Variants in VARS2 observed in about 807,000 individuals in gnomAD.
The protein encoded by VARS2 is valine--tRNA ligase, mitochondrial.
Under a neutral mutation model 154.1 loss-of-function variants are expected in VARS2, and 105 were observed. The observed-to-expected ratio is 0.68, with a 90% CI of 0.58 to 0.80. VARS2 has a LOEUF of 0.80. Among genes scored for constraint, VARS2 ranks in the 30% least tolerant of loss-of-function variants. The pLI is 0.00. For synonymous variants in VARS2, 483 were observed against 539.5 expected (o/e 0.90, Z 1.45); for missense variants, 1,157 against 1,361.4 (o/e 0.85, Z 2.36).
At chr6:30,922,022 GA>G in intron 19 of VARS2, 27 bp downstream of exon 19, 1 of 1,612,866 alleles carries the variant, frequency 6.2e-7, no homozygotes, top group Non-Finnish European at 8.5e-7. Flanking sequence ...GGGCGAAAGT[GA>G]AGGGGAAACG....
intron 10 of VARS2, 22 bp from the exon 11 acceptor site, chr6:30,918,805 G>A: frequency 6.2e-7 from 1 of 1,609,772 alleles, no homozygotes; most frequent in Non-Finnish European, 8.5e-7. Flanking sequence ...CCAGCTGTAA[G>A]TGTTTAAATG....
At position 30,920,508 on chromosome 6, in the gene VARS2, G is replaced by C. The variant is rs1474845982; in HGVS notation, c.1397+72G>C. The C allele has an allele frequency of 2.0e-6, 3 of 1,465,372 alleles. No homozygotes were observed. The highest frequency in any genetic ancestry group is 2.8e-5 in the African/African-American group (2 of 70,990). The allele number at this position is 1,465,372 out of a possible 1,614,324, so 90.8% of individuals were successfully genotyped here. ...TGTATGGAGCTTAAGGGTGACAATA[G>C]GATGGGCTCTGCACCCCTCCGTTAG... On this transcript the variant is annotated intron_variant, in intron 14 of 29. Coordinates refer to ENST00000676266, the MANE Select transcript of VARS2 (RefSeq NM_020442.6). The surrounding 1 kb of genome is among the most constrained non-coding windows in gnomAD (Gnocchi z 4.6).
At chr6:30,918,706 G>A in intron 10 of VARS2, 121 bp from the exon 11 acceptor site, 1 of 745,918 alleles carries the variant, frequency 1.3e-6, no homozygotes, top group Non-Finnish European at 2.2e-6. Context: ...ACTCCTGGGG[G>A]CCTCTTCCAC....
chr6:30,922,991 G>C lies in VARS2; in HGVS notation c.2185+15G>C, dbSNP rs1338545109. On this transcript the variant is annotated intron_variant, in intron 23 of 29. Transcript: ENST00000676266. ...TGGAGTTCAGGGTAAGCCTGGGCGA[G>C]GGGTGTCGGGGTGAGCAGAGGGCAG... is the stretch of plus-strand genomic sequence containing the variant. The C allele has an allele frequency of 1.9e-6, 3 of 1,605,046 alleles. No homozygotes were observed. The highest frequency in any genetic ancestry group is 2.6e-6 in the Non-Finnish European group (3 of 1,174,728).
At chr6:30,924,619 A>G in intron 26 of VARS2, 59 bp downstream of exon 26, 1 of 915,862 alleles carries the variant, frequency 1.1e-6, no homozygotes, top group Non-Finnish European at 1.6e-6. Context: ...CACCTTCTGA[A>G]GGGGTTTGCT....
rs1794352088 is a variant in VARS2, at chr6:30,919,131, T to C, written c.1074+216T>C. 3.8e-6 allele frequency: 2 copies of C among 527,190 alleles called. No homozygotes were observed. The highest frequency in any genetic ancestry group is 6.8e-6 in the Non-Finnish European group (2 of 293,358). 32.7% of individuals were successfully genotyped at this position (527,190 alleles called of 1,614,324 possible). Reference sequence around the variant, plus strand: ...GGTCCTAATCCAGCTTGCGGCCTTTTTTTTTGAGACAGAGTCTCGCTCTGT... The same window carrying C: ...GGTCCTAATCCAGCTTGCGGCCTTTCTTTTTGAGACAGAGTCTCGCTCTGT... On this transcript the variant is annotated intron_variant, in intron 11 of 29. Transcript: ENST00000676266. The surrounding 1 kb of genome is among the most constrained non-coding windows in gnomAD (Gnocchi z 4.5).
Position 30,921,417 on chromosome 6 carries a change from C to T in VARS2, c.1632+112C>T, listed in dbSNP as rs1017522420. ...CCTGCCTGGTCATGTGCTTCATGCT[C>T]ATAGTCATGTAACCTTCTGCGCGAT... On this transcript the variant is annotated intron_variant, in intron 17 of 29. Coordinates refer to ENST00000676266, the MANE Select transcript of VARS2 (RefSeq NM_020442.6). The surrounding 1 kb of genome is among the most constrained non-coding windows in gnomAD (Gnocchi z 4.6). 6.8e-6 allele frequency: 10 copies of T among 1,463,854 alleles called. No individual in the cohort carries two copies. The highest frequency in any genetic ancestry group is 8.5e-6 in the Non-Finnish European group (9 of 1,057,314). The allele number at this position is 1,463,854 out of a possible 1,614,324, so 90.7% of individuals were successfully genotyped here. A position where few individuals can be genotyped will look rare whatever the true frequency, so the allele number is the denominator to read the frequency against.
At chr6:30,914,584 A>G in intron 1 of VARS2, 1 of 1,281,184 alleles carries the variant, frequency 7.8e-7, no homozygotes, top group Non-Finnish European at 1.0e-6. Flanking sequence ...TCACCGCCGA[A>G]TCCAGACACT....
rs747104390 is a variant in VARS2, at chr6:30,918,838, G to A, written c.997G>A (p.Val333Met). The change falls in exon 11 of 30, where the codon GTG becomes ATG. Residue 333 changes from valine (V) to methionine (M), a missense_variant. Physicochemically the swap from Val to Met is conservative, Grantham distance 21. Transcript: ENST00000676266. ...PVDGEPDAEVVVGTTRPETLP... is the reference protein window; with the variant it reads ...PVDGEPDAEVMVGTTRPETLP... Reference sequence around the variant, plus strand: ...ATGTTTATCTTCAGATGCAGAGGTTGTGGTAGGAACCACAAGGCCAGAGAC... The same window carrying A: ...ATGTTTATCTTCAGATGCAGAGGTTATGGTAGGAACCACAAGGCCAGAGAC... 2 of 1,612,902 alleles carry A rather than the reference G, an allele frequency of 1.2e-6. No individual in the cohort carries two copies.
At position 30,921,479 on chromosome 6, in the gene VARS2, C is replaced by G; in HGVS notation, c.1633-110C>G. ...GAAGTGGCATTTCTTTATCTCACCC[C>G]TGGGGGAACCTGGCCACTCTAAGAC... is the stretch of plus-strand genomic sequence containing the variant. On this transcript the variant is annotated intron_variant, in intron 17 of 29. Transcript: ENST00000676266. The surrounding 1 kb of genome is among the most constrained non-coding windows in gnomAD (Gnocchi z 4.6). 5 of 1,441,162 alleles carry G rather than the reference C, an allele frequency of 3.5e-6. No homozygotes were observed. Among genetic ancestry groups the G allele is most frequent in the Non-Finnish European group, 4.8e-6 (5 of 1,048,142 alleles). 89.3% of individuals were successfully genotyped at this position (1,441,162 alleles called of 1,614,324 possible). A position where few individuals can be genotyped will look rare whatever the true frequency, so the allele number is the denominator to read the frequency against.
intron 27 of VARS2, 53 bp from the exon 28 acceptor site, chr6:30,925,491 A>T: frequency 3.2e-6 from 5 of 1,558,196 alleles, no homozygotes; most frequent in Non-Finnish European, 4.3e-6. Context: ...GGTGCAGGGT[A>T]GGAAGGGAGG....
Position 30,915,765 on chromosome 6 carries a change from C to T in VARS2, c.404C>T (p.Thr135Ile), listed in dbSNP as rs1289105856. Residue 135 changes from threonine (T) to isoleucine (I), a missense_variant, in exon 5 of 30, where the codon ACA becomes ATA. Thr to Ile is a moderately conservative substitution (Grantham distance 89, BLOSUM62 -1). Coordinates refer to ENST00000676266, the MANE Select transcript of VARS2 (RefSeq NM_020442.6). Reference sequence around the variant, plus strand: ...CTCTAGGCCCGGCTGCCCCAAGCTACAGGGGAGACCTTTTCCATGTGTATC... The same window carrying T: ...CTCTAGGCCCGGCTGCCCCAAGCTATAGGGGAGACCTTTTCCATGTGTATC... ...PEYQARLPQA[T>I]GETFSMCIPP... The T allele has an allele frequency of 1.2e-6, 2 of 1,613,474 alleles. No homozygotes were observed. Among genetic ancestry groups the T allele is most frequent in the African/African-American group, 1.3e-5 (1 of 74,926 alleles).
intron 25 of VARS2, 73 bp downstream of exon 25, chr6:30,923,578 A>G (rs1794671036): frequency 1.9e-6 from 3 of 1,552,940 alleles, no homozygotes; most frequent in Non-Finnish European, 1.7e-6. Context: ...CAAGGCAGAG[A>G]GCTCTGGAGT....
chr6:30,922,223 G>A lies in VARS2; in HGVS notation c.1914G>A (p.Gly638=), dbSNP rs1794564911. Residue 638 remains glycine, a synonymous_variant, in exon 20 of 30, where the codon GGG becomes GGA. Coordinates refer to ENST00000676266, the MANE Select transcript of VARS2 (RefSeq NM_020442.6). ...TCATGTTGGGGACCCAGCTCACAGGGCAGCTGCCCTTCAGCAAGGTAAGAG... is the reference window on the plus strand; with the variant it reads ...TCATGTTGGGGACCCAGCTCACAGGACAGCTGCCCTTCAGCAAGGTAAGAG... ...RMVMLGTQLT[G]QLPFSKVLLH... The A allele has an allele frequency of 6.2e-7, 1 of 1,612,032 alleles. No homozygotes were observed. The highest frequency in any genetic ancestry group is 1.3e-5 in the African/African-American group (1 of 74,812).
rs1562465419 is a variant in VARS2 at position 30,926,116 on chromosome 6, C to T, written c.3098C>T (p.Ser1033Phe). The change falls in exon 30 of 30, where the codon TCC (serine) becomes TTC (phenylalanine). Residue 1033 changes from serine to phenylalanine, a missense_variant. Coordinates refer to ENST00000676266, the MANE Select transcript of VARS2 (RefSeq NM_020442.6). Reference protein sequence around the residue: ...AGTQRQQKLSSLQLELSKLDK... With the variant: ...AGTQRQQKLSFLQLELSKLDK... ...CCTTTTCTCCTCGTCCAGCTTTCTT[C>T]CCTCCAGCTGGAATTGTCAAAACTG... The T allele has an allele frequency of 4.3e-6, 7 of 1,613,126 alleles. No homozygotes were observed. The highest frequency in any genetic ancestry group is 4.2e-6 in the Non-Finnish European group (5 of 1,180,032).
chr6:30,914,917 CG>C lies in VARS2; in HGVS notation c.82del (p.Val28PhefsTer35). 6.2e-7 allele frequency: 1 copy of C among 1,613,038 alleles called. No homozygotes were observed. The highest frequency in any genetic ancestry group is 8.5e-7 in the Non-Finnish European group (1 of 1,180,034). ...HSRGLPRFHS[V>X]STQSEPHGSP... ...CACGGGGCCTCCCCAGGTTTCACTCCGTTTCTACACAGTCGGAGCCCCATGG... is the reference window on the plus strand; with the variant it reads ...CACGGGGCCTCCCCAGGTTTCACTCCTTTCTACACAGTCGGAGCCCCATGG... On this transcript the variant is annotated frameshift_variant, in exon 2 of 30. Transcript: ENST00000676266. LOFTEE classifies it high-confidence loss of function.
chr6:30,916,803 C>A lies in VARS2; in HGVS notation c.672-75C>A. On this transcript the variant is annotated intron_variant, in intron 7 of 29. Transcript: ENST00000676266. The surrounding 1 kb of genome is among the most constrained non-coding windows in gnomAD (Gnocchi z 4.0). ...GATTTTCCTCCAACACCTGGCATTG[C>A]TGGGGGCATCGCTGGGCCTGGTACA... The A allele has an allele frequency of 6.8e-7, 1 of 1,470,132 alleles. No homozygotes were observed. Among genetic ancestry groups the A allele is most frequent in the Non-Finnish European group, 9.5e-7 (1 of 1,049,766 alleles). 91.1% of individuals were successfully genotyped at this position (1,470,132 alleles called of 1,614,324 possible).
Position 30,920,099 on chromosome 6 carries a change from G to A in VARS2, c.1176G>A (p.Lys392=), listed in dbSNP as rs1303746373. 1.9e-6 allele frequency: 3 copies of A among 1,546,014 alleles called. No individual in the cohort carries two copies. In the South Asian group the frequency reaches 3.8e-5, roughly 20 times the overall value. The stretch of plus-strand genomic sequence containing the variant: ...GCTGTGCTCCCCAAGGGGCAGTGAA[G>A]GTGACTCCAGCTCACAGTCCTGCCG... ...VQPHVGTGAV[K]VTPAHSPADA... is the part of the protein sequence containing the mutation. The change falls in exon 13 of 30, where the codon AAG becomes AAA. Residue 392 remains lysine, a synonymous_variant. Coordinates refer to ENST00000676266, the MANE Select transcript of VARS2 (RefSeq NM_020442.6). The surrounding 1 kb of genome is among the most constrained non-coding windows in gnomAD (Gnocchi z 4.6).
rs762317060 is a variant in VARS2 at position 30,915,991 on chromosome 6, C to T, written c.517C>T (p.Arg173Cys). 5.6e-6 allele frequency: 9 copies of T among 1,613,988 alleles called. No individual in the cohort carries two copies. The highest frequency in any genetic ancestry group is 4.5e-5 in the East Asian group (2 of 44,886). The change falls in exon 6 of 30, where the codon CGT becomes TGT. Residue 173 changes from arginine to cysteine, a missense_variant. Coordinates refer to ENST00000676266, the MANE Select transcript of VARS2 (RefSeq NM_020442.6). ...QDALVRWHRM[R>C]GDQVLWVPGS... The stretch of plus-strand genomic sequence containing the variant: ...GCATTTTTGTTGCAGGCACCGGATG[C>T]GTGGGGATCAAGTGCTGTGGGTCCC...
Sources: allele counts gnomAD v4.1 joint callset, GRCh38; gene constraint gnomAD v4.1.1; non-coding constraint Gnocchi (gnomAD v3.1); transcripts MANE v1.5; gene names NCBI Gene and HGNC (gene_info 2026-07-23, HGNC 2026-07-21).